Variants in MAD1L1 observed in about 807,000 individuals in gnomAD.
The protein encoded by MAD1L1 is mitotic spindle assembly checkpoint protein MAD1.
In MAD1L1, 95 loss-of-function variants were observed where a neutral mutation model predicts 96.9. The observed-to-expected ratio is 0.98, with a 90% CI of 0.83 to 1.16. MAD1L1 has a LOEUF of 1.16. MAD1L1 is among the 50% of genes most tolerant of loss of function. The probability of loss-of-function intolerance (pLI) is 0.00; values close to 1 mark genes in which losing one functional copy is unlikely to be tolerated. For missense variants in MAD1L1, 1,007 were observed against 954.4 expected, an observed-to-expected ratio of 1.06 and a Z score of -0.73; for synonymous variants, 473 against 396.6, an observed-to-expected ratio of 1.19 and a Z score of -2.29.
At chr7:1,879,472 AAG>A (rs1785562030) in intron 18 of MAD1L1, among the ~76,000 whole-genome samples, 1 of 147,974 alleles carries the variant, frequency 6.8e-6, no homozygotes, top group East Asian at 2.0e-4. Context: ...AAAAAAAAAA[AAG>A]AATGTCAGTT....
At chr7:2,159,161 CCA>C (rs1307530132) in intron 10 of MAD1L1, among the ~76,000 whole-genome samples, 2 of 152,216 alleles carry the variant, frequency 1.3e-5, no homozygotes, top group Non-Finnish European at 2.9e-5. Context: ...GCCCAAAGGC[CCA>C]CGCAGCAGCA....
intron 9 of MAD1L1, among the ~76,000 whole-genome samples, chr7:2,214,298 A>G (rs1793144737): frequency 6.6e-6 from 1 of 152,192 alleles, no homozygotes; most frequent in Non-Finnish European, 1.5e-5. Context: ...CGGGAGAGAG[A>G]AAAGATGTCG....
At chr7:2,078,396 C>T (rs891055340) in intron 11 of MAD1L1, among the ~76,000 whole-genome samples, 2 of 152,204 alleles carry the variant, frequency 1.3e-5, no homozygotes, top group South Asian at 2.1e-4. Context: ...GGATCAGACG[C>T]GTGCGTCCGT....
At chr7:1,977,056 T>C (rs1329463287) in intron 15 of MAD1L1, among the ~76,000 whole-genome samples, 1 of 152,246 alleles carries the variant, frequency 6.6e-6, no homozygotes, top group Non-Finnish European at 1.5e-5. Context: ...CTTCCGACAG[T>C]GGATCCCACG....
intron 18 of MAD1L1, among the ~76,000 whole-genome samples, chr7:1,838,253 A>T (rs1217385472): frequency 6.6e-6 from 1 of 152,202 alleles, no homozygotes. Context: ...GGACGGGGAG[A>T]AGCTGGGAGA....
chr7:2,087,766 G>A (rs1364442387), intron 11 of MAD1L1, among the ~76,000 whole-genome samples: 12 of 152,204 alleles, frequency 7.9e-5, no homozygotes, highest in African/African-American at 1.9e-4. Flanking sequence ...CAGGAGCAGG[G>A]ACTGGGGAGC....
intron 18 of MAD1L1, among the ~76,000 whole-genome samples, chr7:1,840,933 C>T (rs1225910679): frequency 6.6e-6 from 1 of 152,246 alleles, no homozygotes; most frequent in Non-Finnish European, 1.5e-5. Flanking sequence ...CAGGCCAAGC[C>T]AGGATAGAGC....
At chr7:2,140,217 C>A (rs1347913045) in intron 11 of MAD1L1, among the ~76,000 whole-genome samples, 1 of 152,208 alleles carries the variant, frequency 6.6e-6, no homozygotes, top group African/African-American at 2.4e-5. Flanking sequence ...CTGGGCCTTC[C>A]CCAGGCCAGT....
At chr7:1,907,874 G>C (rs1426639954) in intron 17 of MAD1L1, among the ~76,000 whole-genome samples, 1 of 152,164 alleles carries the variant, frequency 6.6e-6, no homozygotes, top group Non-Finnish European at 1.5e-5. Context: ...AGTGCGGTCT[G>C]GGCCGCAAGG....
intron 12 of MAD1L1, among the ~76,000 whole-genome samples, chr7:2,025,824 T>C (rs1437158734): frequency 1.3e-5 from 2 of 152,194 alleles, no homozygotes; most frequent in African/African-American, 4.8e-5. Context: ...TATATAATAA[T>C]AGTCTATCTT....
rs1462304335 is a variant in MAD1L1, at chr7:1,902,825, C to T, written c.1808-4435G>A. Among the ~76,000 whole-genome samples, 182 of 152,070 alleles carry T rather than the reference C, an allele frequency of 1.2e-3. 1 individual carries two copies. Among genetic ancestry groups the T allele is most frequent in the African/African-American group, 4.3e-3 (178 of 41,410 alleles). ...ATTGATGAAGCACTGTTCCAGGCAG[C>T]AAGGATGCAGTGGCCTATGGAAGAC... On this transcript the variant is annotated intron_variant, in intron 17 of 18. Coordinates refer to ENST00000265854, the MANE Select transcript of MAD1L1 (RefSeq NM_001013836.2).
Position 1,898,365 on chromosome 7 carries a change from G to A in MAD1L1, c.1833C>T (p.Ala611=), listed in dbSNP as rs61751744. 63,070 of 1,613,840 alleles carry A rather than the reference G, an allele frequency of 0.039. 1,900 individuals are homozygous for A. The highest frequency in any genetic ancestry group is 0.14 in the Admixed American group (8,272 of 60,016). The change falls in exon 18 of 19, where the codon GCC becomes GCT. Residue 611 remains alanine, a synonymous_variant. Transcript: ENST00000265854. ...CCTTGAGCCGCTGGTTCTTCAGCTC[G>A]GCACTCTCCACCTGCTTCTTCAGCT... ...VAELKKQVES[A]ELKNQRLKEV...
At chr7:1,882,150 G>A (rs1428944895) in intron 18 of MAD1L1, among the ~76,000 whole-genome samples, 1 of 152,196 alleles carries the variant, frequency 6.6e-6, no homozygotes, top group Non-Finnish European at 1.5e-5. Flanking sequence ...GCAGCCTTGG[G>A]AGGGCAAAGC....
intron 10 of MAD1L1, among the ~76,000 whole-genome samples, chr7:2,155,905 T>C (rs890564388): frequency 1.8e-4 from 27 of 152,130 alleles, no homozygotes; most frequent in African/African-American, 6.3e-4. Flanking sequence ...ACCAACTTAC[T>C]TTCTCCATCT....
At chr7:2,195,718 G>A (rs1791953212) in intron 10 of MAD1L1, among the ~76,000 whole-genome samples, 2 of 152,242 alleles carry the variant, frequency 1.3e-5, no homozygotes, top group Non-Finnish European at 2.9e-5. Context: ...CCTCTCCCAA[G>A]TAATTACTGC....
At chr7:2,098,221 C>T (rs888047399) in intron 11 of MAD1L1, among the ~76,000 whole-genome samples, 11 of 152,326 alleles carry the variant, frequency 7.2e-5, no homozygotes, top group Admixed American at 1.3e-4. Flanking sequence ...GCTGACTGCA[C>T]AGCGCCGTCC....
chr7:1,919,514 C>G (rs527475422), intron 17 of MAD1L1, among the ~76,000 whole-genome samples: 9 of 152,264 alleles, frequency 5.9e-5, no homozygotes, highest in African/African-American at 2.2e-4. Context: ...TCATTGGGAG[C>G]CACTTTTGTT....
At chr7:2,027,197 A>C (rs1007032807) in intron 12 of MAD1L1, among the ~76,000 whole-genome samples, 10 of 152,190 alleles carry the variant, frequency 6.6e-5, no homozygotes, top group African/African-American at 2.4e-4. Context: ...AAAGCTATTA[A>C]AATAAATCAA....
At chr7:1,823,759 C>T (rs545381150) in intron 18 of MAD1L1, among the ~76,000 whole-genome samples, 9 of 152,308 alleles carry the variant, frequency 5.9e-5, no homozygotes, top group Admixed American at 5.2e-4. Flanking sequence ...ACTGGCCTTC[C>T]TGGGAGAAGC....
Sources: allele counts gnomAD v4.1 joint callset (sites outside exome capture counted in the v4.1 genomes callset), GRCh38; gene constraint gnomAD v4.1.1; transcripts MANE v1.5; gene names NCBI Gene and HGNC (gene_info 2026-07-23, HGNC 2026-07-21).